Variants in FRMD4B observed in about 807,000 individuals in gnomAD.
The protein encoded by FRMD4B is FERM domain-containing protein 4B.
FRMD4B carries 74 observed loss-of-function variants against 141.5 expected under a neutral mutation model. The ratio of observed to expected loss-of-function variants is 0.52; its 90% CI spans 0.43 to 0.63. FRMD4B has a LOEUF of 0.63. Among genes scored for constraint, FRMD4B ranks in the 30% least tolerant of loss-of-function variants. The probability of loss-of-function intolerance (pLI) is 0.00; values close to 1 mark genes in which losing one functional copy is unlikely to be tolerated. For missense variants in FRMD4B, 1,366 were observed against 1,253.4 expected, an observed-to-expected ratio of 1.09 and a Z score of -1.36; for synonymous variants, 506 against 467.9, an observed-to-expected ratio of 1.08 and a Z score of -1.05.
At chr3:69,426,490 C>T (rs1450779458) in intron 2 of FRMD4B, among the ~76,000 whole-genome samples, 1 of 152,104 alleles carries the variant, frequency 6.6e-6, no homozygotes. Flanking sequence ...TGCCTGGAGC[C>T]CTGTTTCAGG....
chr3:69,457,015 G>T (rs1483683247), intron 1 of FRMD4B, among the ~76,000 whole-genome samples: 1 of 152,102 alleles, frequency 6.6e-6, no homozygotes, highest in Non-Finnish European at 1.5e-5. Context: ...GTTTTGTGCA[G>T]TCTAATTCAC....
intron 2 of FRMD4B, among the ~76,000 whole-genome samples, chr3:69,419,004 A>G (rs2106801790): frequency 6.6e-6 from 1 of 152,340 alleles, no homozygotes; most frequent in East Asian, 1.9e-4. Flanking sequence ...CAGATAACCA[A>G]AATGAAGAGA....
chr3:69,418,164 CCATCTTTTT>C (rs2106799550), intron 2 of FRMD4B, among the ~76,000 whole-genome samples: 1 of 152,288 alleles, frequency 6.6e-6, no homozygotes, highest in African/African-American at 2.4e-5. Context: ...CCTACTGAGG[CCATCTTTTT>C]CATCTCTAAA....
At chr3:69,199,327 A>T (rs1056540253) in intron 11 of FRMD4B, 1 of 152,528 alleles carries the variant, frequency 6.6e-6, no homozygotes, top group Non-Finnish European at 1.5e-5. Flanking sequence ...AAAACCAACC[A>T]TCTGTGGAAG....
intron 1 of FRMD4B, among the ~76,000 whole-genome samples, chr3:69,508,216 AC>A (rs1278311380): frequency 2.0e-5 from 3 of 152,214 alleles, no homozygotes; most frequent in Non-Finnish European, 4.4e-5. Context: ...ATAAAGGGTA[AC>A]ATTTTACATA....
chr3:69,387,358 C>T (rs1704282316), upstream of FRMD4B, among the ~76,000 whole-genome samples: 1 of 152,190 alleles, frequency 6.6e-6, no homozygotes, highest in Non-Finnish European at 1.5e-5. Context: ...CTCAAGCAAT[C>T]TTCCAGCCTC....
intron 2 of FRMD4B, among the ~76,000 whole-genome samples, chr3:69,408,570 T>A (rs1704694658): frequency 6.6e-6 from 1 of 152,028 alleles, no homozygotes; most frequent in South Asian, 2.1e-4. Flanking sequence ...GACCTGTAAG[T>A]TTTGAGTGGA....
intron 3 of FRMD4B, among the ~76,000 whole-genome samples, chr3:69,309,607 ATTTTT>A (rs34067186): frequency 9.2e-6 from 1 of 109,060 alleles, no homozygotes; most frequent in African/African-American, 3.6e-5. Flanking sequence ...TACCTGGCTG[ATTTTT>A]TTTTTTTTTT....
At chr3:69,482,252 T>C (rs1706135920) in intron 1 of FRMD4B, among the ~76,000 whole-genome samples, 1 of 151,716 alleles carries the variant, frequency 6.6e-6, no homozygotes, top group South Asian at 2.1e-4. Flanking sequence ...TGTAGTGCAA[T>C]AGAGTATTTA....
At chr3:69,404,362 T>G (rs1272245020) in intron 2 of FRMD4B, among the ~76,000 whole-genome samples, 1 of 152,238 alleles carries the variant, frequency 6.6e-6, no homozygotes, top group Admixed American at 6.5e-5. Flanking sequence ...TTCATAGTAT[T>G]ACTTTCTTGA....
At chr3:69,470,929 A>G (rs904473323) in intron 1 of FRMD4B, among the ~76,000 whole-genome samples, 10 of 152,206 alleles carry the variant, frequency 6.6e-5, no homozygotes, top group Non-Finnish European at 1.3e-4. Flanking sequence ...CAGGCTTGAA[A>G]CAATAGAATT....
At chr3:69,295,269 G>A (rs1701000517) in intron 4 of FRMD4B, among the ~76,000 whole-genome samples, 1 of 152,096 alleles carries the variant, frequency 6.6e-6, no homozygotes, top group South Asian at 2.1e-4. Flanking sequence ...TCAATGTTTG[G>A]GTGGGGGTGT....
intron 1 of FRMD4B, among the ~76,000 whole-genome samples, chr3:69,379,741 C>T (rs1365139461): frequency 1.3e-5 from 2 of 152,120 alleles, no homozygotes; most frequent in Non-Finnish European, 2.9e-5. Context: ...ATATTTTCAG[C>T]TTTGTGGGCA....
chr3:69,362,445 G>T (rs6783070), intron 1 of FRMD4B, among the ~76,000 whole-genome samples: 55,625 of 151,952 alleles, frequency 0.37, 12,138 homozygotes, highest in African/African-American at 0.61. Flanking sequence ...AATATTTCTG[G>T]TTAAGACAAC....
chr3:69,361,464 C>T (rs570979593), intron 1 of FRMD4B, among the ~76,000 whole-genome samples: 1 of 152,000 alleles, frequency 6.6e-6, no homozygotes, highest in South Asian at 2.1e-4. Context: ...CACATCCCCC[C>T]CAAGATATAA....
chr3:69,194,338 A>G (rs1328166137), intron 16 of FRMD4B, among the ~76,000 whole-genome samples: 3 of 152,224 alleles, frequency 2.0e-5, no homozygotes, highest in African/African-American at 4.8e-5. Flanking sequence ...CTTATGAAGT[A>G]GGATGAGGAT....
intron 1 of FRMD4B, among the ~76,000 whole-genome samples, chr3:69,533,048 G>A (rs901636670): frequency 1.3e-5 from 2 of 152,130 alleles, no homozygotes; most frequent in Admixed American, 1.3e-4. Flanking sequence ...TTTATTTGAG[G>A]GGCAGTTTTA....
intron 4 of FRMD4B, among the ~76,000 whole-genome samples, chr3:69,291,467 C>T (rs950607480): frequency 1.3e-5 from 2 of 152,184 alleles, no homozygotes; most frequent in African/African-American, 4.8e-5. Flanking sequence ...GCAACAGTCA[C>T]ATATGCAAAA....
intron 11 of FRMD4B, among the ~76,000 whole-genome samples, chr3:69,215,284 C>CTTTTTTTATTTTTTTTTTTTTTTTTTT (rs2093129000): frequency 2.2e-5 from 1 of 45,208 alleles, no homozygotes; most frequent in Non-Finnish European, 4.3e-5. Context: ...TTGTGACCCT[C>CTTTTTTTATTTTTTTTTTTTTTTTTTT]TTTTTTTTTT....
Sources: allele counts gnomAD v4.1 joint callset (sites outside exome capture counted in the v4.1 genomes callset), GRCh38; gene constraint gnomAD v4.1.1; transcripts MANE v1.5; gene names NCBI Gene and HGNC (gene_info 2026-07-23, HGNC 2026-07-21).